The following XRN2 variants were observed in gnomAD, a reference collection of about 807,000 sequenced individuals.
XRN2 encodes 5'-3' exoribonuclease 2, also known as DHM1-like protein.
XRN2 carries 44 observed loss-of-function variants against 138.5 expected under a neutral mutation model. That is an observed-to-expected ratio of 0.32 (90% CI 0.25 to 0.41). The LOEUF is 0.41. Ranked by LOEUF, XRN2 falls within the 10% of genes least tolerant of loss-of-function variation. The pLI, the probability that XRN2 is intolerant of heterozygous loss-of-function variation, is 1.00. For synonymous variants in XRN2, 354 were observed against 369.4 expected, an observed-to-expected ratio of 0.96 and a Z score of 0.48; for missense variants, 937 against 1,169.3, an observed-to-expected ratio of 0.80 and a Z score of 2.90.
rs755365924 is a variant in XRN2, at chr20:21,332,424, G to A, written c.842G>A (p.Arg281Lys). 71 of 1,604,322 alleles carry A rather than the reference G, an allele frequency of 4.4e-5. No individual in the cohort carries two copies. The Middle Eastern group carries it at 5.0e-4, about 11-fold the overall frequency. ...GTCAAAGATTGTGAAGGTTTGCCAA[G>A]AGAAAAGAAGGGAAAGGTAAGAACT... Reference protein sequence around the residue: ...HEVKDCEGLPREKKGKHDELA... With the variant: ...HEVKDCEGLPKEKKGKHDELA... The change falls in exon 9 of 30, where the codon AGA becomes AAA. Residue 281 changes from arginine to lysine, a missense_variant. Physicochemically the swap from Arg to Lys is conservative, Grantham distance 26. Transcript: ENST00000377191.
Position 21,356,096 on chromosome 20 carries a change from T to A in XRN2, c.2037T>A (p.Leu679=). 2 of 1,612,354 alleles carry A rather than the reference T, an allele frequency of 1.2e-6. No homozygotes were observed. The highest frequency in any genetic ancestry group is 1.7e-6 in the Non-Finnish European group (2 of 1,178,996). Residue 679 remains leucine, a synonymous_variant, in exon 22 of 30, where the codon CTT becomes CTA. Coordinates refer to ENST00000377191, the MANE Select transcript of XRN2 (RefSeq NM_012255.5). The part of the protein sequence containing the change: ...LTPEETRRNS[L]GGDVLFVGKH... ...TCTCCCTAGCCAGAAGAAACAGCCT[T>A]GGAGGTGATGTCTTATTTGTGGGGA... is the stretch of plus-strand genomic sequence containing the variant.
At position 21,339,075 on chromosome 20, in the gene XRN2, GAA is replaced by G. The variant is rs1171424237; in HGVS notation, c.1267_1268del (p.Lys423GlufsTer12). Reference sequence around the variant, plus strand: ...TTTAGAAGACGACAGAAAGAAAAAAGAAAGAGAATGAAGGTGAGTTTTAATTA... The same window carrying G: ...TTTAGAAGACGACAGAAAGAAAAAAGAGAGAATGAAGGTGAGTTTTAATTA... On this transcript the variant is annotated frameshift_variant, in exon 14 of 30. Transcript: ENST00000377191. LOFTEE classifies it high-confidence loss of function. 1 of 1,605,000 alleles carries G rather than the reference GAA, an allele frequency of 6.2e-7. No individual in the cohort carries two copies. Among genetic ancestry groups the G allele is most frequent in the Admixed American group, 1.7e-5 (1 of 58,800 alleles).
rs1473231301 is a variant in XRN2 at position 21,382,000 on chromosome 20, G to C, written c.2591G>C (p.Arg864Thr). ...TTTCCTGTTTCTTTTTCAGATATGAGGCCCCAGGATTCCTGGCGAGGTCCT... is the reference window on the plus strand; with the variant it reads ...TTTCCTGTTTCTTTTTCAGATATGACGCCCCAGGATTCCTGGCGAGGTCCT... Reference protein sequence around the residue: ...AQIPKLMSNMRPQDSWRGPPP... With the variant: ...AQIPKLMSNMTPQDSWRGPPP... Residue 864 changes from arginine (R) to threonine (T), a missense_variant, in exon 28 of 30, where the codon AGG becomes ACG. Physicochemically the swap from Arg to Thr is moderately conservative, Grantham distance 71. This residue lies in a region of XRN2 where 372 missense variants were observed against 414.4 expected (regional missense o/e 0.90). Coordinates refer to ENST00000377191, the MANE Select transcript of XRN2 (RefSeq NM_012255.5). 3.1e-6 allele frequency: 5 copies of C among 1,606,846 alleles called. No individual in the cohort carries two copies. The Admixed American group carries it at 8.4e-5, about 27-fold the overall frequency.
At chr20:21,364,470 T>A (rs999089418) in intron 24 of XRN2, among the ~76,000 whole-genome samples, 1 of 152,134 alleles carries the variant, frequency 6.6e-6, no homozygotes, top group African/African-American at 2.4e-5. Context: ...GAAAAGAAGT[T>A]CGACCCAGCT....
chr20:21,375,273 T>G (rs1240118806), intron 27 of XRN2, among the ~76,000 whole-genome samples: 1 of 151,644 alleles, frequency 6.6e-6, no homozygotes, highest in African/African-American at 2.4e-5. Flanking sequence ...TATATAGATA[T>G]TTGTTCTTTT....
intron 1 of XRN2, among the ~76,000 whole-genome samples, chr20:21,304,205 A>G (rs2037782428): frequency 1.3e-5 from 2 of 151,844 alleles, no homozygotes; most frequent in Non-Finnish European, 1.5e-5. Context: ...TTTTGTTTTT[A>G]TTGTTTTCGT....
chr20:21,357,439 C>G (rs2038589583), intron 23 of XRN2, among the ~76,000 whole-genome samples: 2 of 151,974 alleles, frequency 1.3e-5, no homozygotes, highest in South Asian at 2.1e-4. Flanking sequence ...TTTGGCAAAC[C>G]CTTGTCACAG....
rs1184765578 is a variant in XRN2, at chr20:21,375,016, T to TG, written c.2584+6426_2584+6427insG. ...ATGTTGGTTTTGGTAAGTTCTTTTT[T>TG]TTTTTTTTTTTTTTTTTTTGGTGGG... On this transcript the variant is annotated intron_variant, in intron 27 of 29. Transcript: ENST00000377191. Among the ~76,000 whole-genome samples the TG allele has an allele frequency of 6.4e-5, 8 of 125,938 alleles. No individual in the cohort carries two copies. The Admixed American group carries it at 6.5e-4, about 10-fold the overall frequency. 82.6% of individuals were successfully genotyped at this position (125,938 alleles called of 152,430 possible). A position where few individuals can be genotyped will look rare whatever the true frequency, so the allele number is the denominator to read the frequency against.
intron 13 of XRN2, 100 bp from the exon 14 acceptor site, chr20:21,338,944 C>A: frequency 8.6e-7 from 1 of 1,164,918 alleles, no homozygotes; most frequent in Non-Finnish European, 1.3e-6. Context: ...TGGGGTCGTC[C>A]TTTAAAACTT....
chr20:21,313,286 A>G (rs2037909685), intron 1 of XRN2, among the ~76,000 whole-genome samples: 1 of 152,216 alleles, frequency 6.6e-6, no homozygotes, highest in South Asian at 2.1e-4. Context: ...CCCTCTGGTC[A>G]TCTCTGTGCA....
rs2038727576 is a variant in XRN2 at position 21,368,477 on chromosome 20, G to C, written c.2471G>C (p.Arg824Thr). 5.6e-6 allele frequency: 9 copies of C among 1,613,844 alleles called. No homozygotes were observed. Among genetic ancestry groups the C allele is most frequent in the Non-Finnish European group, 5.9e-6 (7 of 1,179,888 alleles). ...AFRTLGHVMPRGSGTGIYSNA... is the reference protein window; with the variant it reads ...AFRTLGHVMPTGSGTGIYSNA... ...TCCTTTTATAGCCATGTGATGCCAA[G>C]AGGCTCAGGAACTGGCATTTACAGC... Residue 824 changes from arginine to threonine, a missense_variant, in exon 27 of 30, where the codon AGA (arginine) becomes ACA (threonine). Arg to Thr is a moderately conservative substitution (Grantham distance 71). Around this residue, in one of 6 missense-constraint regions of XRN2, gnomAD observed 372 missense variants for 414.4 expected, o/e 0.90. Coordinates refer to ENST00000377191, the MANE Select transcript of XRN2 (RefSeq NM_012255.5).
intron 1 of XRN2, among the ~76,000 whole-genome samples, chr20:21,318,272 C>G (rs2037987621): frequency 6.6e-6 from 1 of 152,078 alleles, no homozygotes; most frequent in South Asian, 2.1e-4. Flanking sequence ...AATGTCCTGT[C>G]TCTCGTCTCT....
chr20:21,363,911 T>C (rs1391093278), intron 24 of XRN2, among the ~76,000 whole-genome samples: 1 of 152,272 alleles, frequency 6.6e-6, no homozygotes, highest in Middle Eastern at 3.4e-3. Context: ...CCCATGTCAT[T>C]AAGGTCATTA....
chr20:21,329,014 G>A (rs1481483675), intron 4 of XRN2, among the ~76,000 whole-genome samples: 1 of 152,098 alleles, frequency 6.6e-6, no homozygotes, highest in East Asian at 1.9e-4. Context: ...TTTCTCTGTG[G>A]CGGCTGTCAG....
intron 8 of XRN2, 76 bp from the exon 9 acceptor site, chr20:21,332,207 C>G (rs936689697): frequency 1.1e-5 from 16 of 1,507,858 alleles, no homozygotes; most frequent in Non-Finnish European, 1.3e-5. Context: ...TTTGTGTTGG[C>G]ATCTCATAGT....
At chr20:21,303,727 C>T in intron 1 of XRN2, 3 of 1,233,828 alleles carry the variant, frequency 2.4e-6, no homozygotes, top group Non-Finnish European at 3.0e-6. Flanking sequence ...AGGGTCGCTC[C>T]TCCCCTACTC....
Position 21,389,416 on chromosome 20 carries a change from A to G in XRN2, c.*78A>G, listed in dbSNP as rs1200765640. On this transcript the variant is annotated 3_prime_UTR_variant, in exon 30 of 30. Transcript: ENST00000377191. ...TTGTGGAAAGATTTCTTTCTCAAGT[A>G]GTAGTTTTTAATAAAACTACAGTAC... 6.9e-5 allele frequency: 96 copies of G among 1,383,950 alleles called. No individual in the cohort carries two copies. The highest frequency in any genetic ancestry group is 9.2e-5 in the Non-Finnish European group (93 of 1,006,180). The allele number at this position is 1,383,950 out of a possible 1,614,324, so 85.7% of individuals were successfully genotyped here.
chr20:21,310,734 ATTTTTATTTTTTAT>A (rs934332035), intron 1 of XRN2, among the ~76,000 whole-genome samples: 2 of 150,446 alleles, frequency 1.3e-5, no homozygotes, highest in African/African-American at 4.9e-5. Flanking sequence ...GCTTTTTTTT[ATTTTTATTTTTTAT>A]TTTTTATTTT....
chr20:21,338,937 G>C (rs1207646018), intron 13 of XRN2, 107 bp from the exon 14 acceptor site: 1 of 997,108 alleles, frequency 1.0e-6, no homozygotes, highest in Non-Finnish European at 1.5e-6. Flanking sequence ...AGATTTCTGG[G>C]GTCGTCCTTT....
Sources: allele counts gnomAD v4.1 joint callset (sites outside exome capture counted in the v4.1 genomes callset), GRCh38; gene constraint gnomAD v4.1.1; regional missense constraint gnomAD v4.1.1; transcripts MANE v1.5; gene names NCBI Gene and HGNC (gene_info 2026-07-23, HGNC 2026-07-21).